The following VAV2 variants were observed in gnomAD, a reference collection of about 807,000 sequenced individuals.
VAV2 encodes guanine nucleotide exchange factor VAV2.
In VAV2, 67 loss-of-function variants were observed where a neutral mutation model predicts 132.5. That is an observed-to-expected ratio of 0.51 (90% CI 0.42 to 0.62). The LOEUF (loss-of-function observed/expected upper bound fraction) is 0.62. VAV2 is among the 20% of genes least tolerant of loss of function. The probability of loss-of-function intolerance (pLI) is 0.00; values close to 1 mark genes in which losing one functional copy is unlikely to be tolerated. For missense variants in VAV2, 938 were observed against 1,153.6 expected (o/e 0.81, Z 2.71); for synonymous variants, 492 against 443.5 (o/e 1.11, Z -1.37).
intron 2 of VAV2, among the ~76,000 whole-genome samples, chr9:133,895,975 G>A (rs543570314): frequency 0.011 from 827 of 77,670 alleles, 138 homozygotes; most frequent in African/African-American, 0.047. Context: ...GGTGTTTCTC[G>A]CAGAGGGGGA....
intron 3 of VAV2, among the ~76,000 whole-genome samples, chr9:133,838,381 C>G (rs756396981): frequency 3.6e-5 from 5 of 139,862 alleles, no homozygotes; most frequent in African/African-American, 1.3e-4. Flanking sequence ...GGATAGATGG[C>G]GGGGGGTGGA....
intron 3 of VAV2, among the ~76,000 whole-genome samples, chr9:133,848,839 C>T (rs1564403103): frequency 6.6e-6 from 1 of 152,232 alleles, no homozygotes; most frequent in Non-Finnish European, 1.5e-5. Flanking sequence ...TCACCCAGGC[C>T]CGTGTTTGGG....
chr9:133,848,306 C>CAAAAAAAAAAAAA (rs1837029190), intron 3 of VAV2, among the ~76,000 whole-genome samples: 3 of 136,002 alleles, frequency 2.2e-5, no homozygotes, highest in Non-Finnish European at 4.9e-5. Flanking sequence ...AAAAAAAAAT[C>CAAAAAAAAAAAAA]CAAAGCAATG....
rs1443375527 is a variant in VAV2, at chr9:133,863,351, C to T, written c.322-1919G>A. Among the ~76,000 whole-genome samples, 1 of 152,210 alleles carries T rather than the reference C, an allele frequency of 6.6e-6. No individual in the cohort carries two copies. Among genetic ancestry groups the T allele is most frequent in the Non-Finnish European group, 1.5e-5 (1 of 68,034 alleles). On this transcript the variant is annotated intron_variant, in intron 2 of 29. Coordinates refer to ENST00000371850, the MANE Select transcript of VAV2 (RefSeq NM_001134398.2). This position sits in a 1 kb window ranked among gnomAD's most constrained non-coding sequence, Gnocchi z 5.0. The stretch of plus-strand genomic sequence containing the variant: ...TGGAGTCTAAGGAGGCACCAGCATT[C>T]GGTCAGCGCTGACACACAAGAACCT...
At chr9:133,822,742 T>C (rs888598517) in intron 4 of VAV2, among the ~76,000 whole-genome samples, 1 of 152,176 alleles carries the variant, frequency 6.6e-6, no homozygotes, top group Non-Finnish European at 1.5e-5. Context: ...CTCCCTCTTT[T>C]TGGGGGCTTC....
intron 2 of VAV2, among the ~76,000 whole-genome samples, chr9:133,907,572 C>T (rs924414766): frequency 6.6e-6 from 1 of 152,206 alleles, no homozygotes; most frequent in Non-Finnish European, 1.5e-5. Flanking sequence ...TGGAAAGCCC[C>T]CTGGGAGATG....
At chr9:133,947,933 G>A (rs1399189908) in intron 1 of VAV2, among the ~76,000 whole-genome samples, 1 of 151,896 alleles carries the variant, frequency 6.6e-6, no homozygotes, top group Non-Finnish European at 1.5e-5. Context: ...GGGACTACAG[G>A]CCTGTGCCAC....
At chr9:133,970,285 G>A (rs57874578) in intron 1 of VAV2, among the ~76,000 whole-genome samples, 2,456 of 152,300 alleles carry the variant, frequency 0.016, 68 homozygotes, top group African/African-American at 0.056. Context: ...AGCAAGCGAT[G>A]TGAGGAAAAC....
In VAV2 at chr9:133,929,000, A is replaced by T. The variant is rs1312691049; in HGVS notation, c.321+10103T>A. ...TCCCAGGAGCTTCCTCACGAGACCC[A>T]GCCCATGAAAACAGGCAGCGGCACC... On this transcript the variant is annotated intron_variant, in intron 2 of 29. Transcript: ENST00000371850. The surrounding 1 kb of genome is among the most constrained non-coding windows in gnomAD (Gnocchi z 5.4). 6.6e-6 allele frequency among the ~76,000 whole-genome samples: 1 copy of T among 152,190 alleles called. No individual in the cohort carries two copies. Among genetic ancestry groups the T allele is most frequent in the Non-Finnish European group, 1.5e-5 (1 of 68,026 alleles).
chr9:133,937,438 A>G (rs113537753), intron 2 of VAV2, among the ~76,000 whole-genome samples: 24 of 97,058 alleles, frequency 2.5e-4, no homozygotes, highest in East Asian at 6.9e-4. Flanking sequence ...GTGTGTGTGT[A>G]TGTGAGCTGT....
chr9:133,944,963 C>G (rs887476936), intron 1 of VAV2, among the ~76,000 whole-genome samples: 3 of 152,134 alleles, frequency 2.0e-5, no homozygotes, highest in Admixed American at 2.0e-4. Flanking sequence ...CGTCTCGGTG[C>G]GCTGACTCAC....
chr9:133,986,487 G>A (rs960173152), intron 1 of VAV2, among the ~76,000 whole-genome samples: 31 of 152,308 alleles, frequency 2.0e-4, no homozygotes, highest in Non-Finnish European at 1.8e-4. Flanking sequence ...GACGGGTCAC[G>A]GATTGCTGCT....
chr9:133,991,613 C>T lies in VAV2; in HGVS notation c.204+462G>A. On this transcript the variant is annotated intron_variant, in intron 1 of 29. Coordinates refer to ENST00000371850, the MANE Select transcript of VAV2 (RefSeq NM_001134398.2). The surrounding 1 kb of genome is among the most constrained non-coding windows in gnomAD (Gnocchi z 4.8). The stretch of plus-strand genomic sequence containing the variant: ...CTCCCGCCCCGCGCCCCTCCCGGGC[C>T]CTCCAGCCGCGCCCCGGGCCGGCGC... Among the ~76,000 whole-genome samples the T allele has an allele frequency of 6.6e-6, 1 of 151,554 alleles. No homozygotes were observed. Among genetic ancestry groups the T allele is most frequent in the Non-Finnish European group, 1.5e-5 (1 of 67,840 alleles).
chr9:133,986,710 C>A (rs1004522201), intron 1 of VAV2, among the ~76,000 whole-genome samples: 3 of 152,104 alleles, frequency 2.0e-5, no homozygotes, highest in Admixed American at 6.5e-5. Context: ...CTATCCCCCC[C>A]AAAAAAAGAA....
At chr9:133,874,601 G>T (rs1838189610) in intron 2 of VAV2, among the ~76,000 whole-genome samples, 2 of 152,174 alleles carry the variant, frequency 1.3e-5, no homozygotes, top group Non-Finnish European at 2.9e-5. Context: ...CCAAGGTGGG[G>T]TTATGGGAAC....
chr9:133,870,680 G>A (rs73662319), intron 2 of VAV2, among the ~76,000 whole-genome samples: 5,783 of 152,042 alleles, frequency 0.038, 213 homozygotes, highest in African/African-American at 0.094. Context: ...TGGATAAGTC[G>A]GTGGGTGGGT....
At chr9:133,771,180 C>T (rs543653145) in intron 26 of VAV2, among the ~76,000 whole-genome samples, 35 of 151,608 alleles carry the variant, frequency 2.3e-4, no homozygotes, top group African/African-American at 7.5e-4. Flanking sequence ...TCTCGTGCCT[C>T]AGCCTCCCAA....
chr9:133,942,219 A>C (rs2132147575), intron 1 of VAV2, among the ~76,000 whole-genome samples: 1 of 152,344 alleles, frequency 6.6e-6, no homozygotes, highest in East Asian at 1.9e-4. Context: ...CGAGGAGTGC[A>C]TGTGAGATGG....
At chr9:133,853,514 A>G (rs978114446) in intron 3 of VAV2, among the ~76,000 whole-genome samples, 1 of 152,100 alleles carries the variant, frequency 6.6e-6, no homozygotes, top group African/African-American at 2.4e-5. Flanking sequence ...CAACTCCCAC[A>G]GGTGTGGCAG....
Sources: gnomAD v4.1 joint callset for allele counts (sites outside exome capture counted in the v4.1 genomes callset) on GRCh38, gnomAD v4.1.1 for gene constraint, Gnocchi (gnomAD v3.1) non-coding constraint, MANE v1.5 for transcripts, NCBI Gene and HGNC (gene_info 2026-07-23, HGNC 2026-07-21) for gene names.